The following CACNA2D3 variants were observed in gnomAD, a reference collection of about 807,000 sequenced individuals.
CACNA2D3 encodes the protein calcium voltage-gated channel auxiliary subunit alpha2delta 3, also known as voltage-dependent calcium channel subunit alpha-2/delta-3.
CACNA2D3 carries 60 observed loss-of-function variants against 160.6 expected under a neutral mutation model. The observed-to-expected ratio is 0.37, with a 90% CI of 0.30 to 0.46. CACNA2D3 has a LOEUF of 0.46. Ranked by LOEUF, CACNA2D3 falls within the 20% of genes least tolerant of loss-of-function variation. CACNA2D3 has a pLI of 1.00. For synonymous variants in CACNA2D3, 558 were observed against 492.9 expected (o/e 1.13, Z -1.75); for missense variants, 1,205 against 1,365.0 (o/e 0.88, Z 1.85).
chr3:54,215,555 G>A (rs1023605877), intron 2 of CACNA2D3, among the ~76,000 whole-genome samples: 1 of 152,126 alleles, frequency 6.6e-6, no homozygotes, highest in African/African-American at 2.4e-5. Context: ...GATCTAGCTT[G>A]TCTTTGTTCT....
intron 9 of CACNA2D3, among the ~76,000 whole-genome samples, chr3:54,585,302 A>G (rs1702741110): frequency 6.6e-6 from 1 of 152,230 alleles, no homozygotes; most frequent in African/African-American, 2.4e-5. Flanking sequence ...GTAAATACTG[A>G]TATGAGTAGA....
chr3:54,707,208 A>G (rs1353497314), intron 11 of CACNA2D3, among the ~76,000 whole-genome samples: 1 of 152,220 alleles, frequency 6.6e-6, no homozygotes, highest in East Asian at 1.9e-4. Context: ...CCCAAAACAT[A>G]TGTAATGAAT....
intron 2 of CACNA2D3, among the ~76,000 whole-genome samples, chr3:54,224,528 G>C (rs1351056905): frequency 6.6e-6 from 1 of 152,112 alleles, no homozygotes; most frequent in Non-Finnish European, 1.5e-5. Flanking sequence ...CTAAGTGATA[G>C]GAATATTCCA....
chr3:54,535,952 G>T (rs1448490847), intron 5 of CACNA2D3, among the ~76,000 whole-genome samples: 1 of 152,214 alleles, frequency 6.6e-6, no homozygotes, highest in Non-Finnish European at 1.5e-5. Flanking sequence ...CAAAATAAAA[G>T]AGGCTAAAAG....
intron 13 of CACNA2D3, among the ~76,000 whole-genome samples, chr3:54,792,999 G>C (rs1191029860): frequency 6.6e-6 from 1 of 152,190 alleles, no homozygotes; most frequent in Non-Finnish European, 1.5e-5. Flanking sequence ...CAGCCTATGA[G>C]CCTAAGCAAA....
chr3:54,159,733 A>T (rs1700307914), intron 2 of CACNA2D3, among the ~76,000 whole-genome samples: 1 of 152,218 alleles, frequency 6.6e-6, no homozygotes, highest in Non-Finnish European at 1.5e-5. Flanking sequence ...TAATTTGACC[A>T]ATAGAATTTC....
intron 3 of CACNA2D3, among the ~76,000 whole-genome samples, chr3:54,350,992 T>TGTTTTG (rs1274277229): frequency 9.0e-6 from 1 of 110,978 alleles, no homozygotes; most frequent in African/African-American, 3.2e-5. Flanking sequence ...GTTTGTTTTT[T>TGTTTTG]TTTTTTTTTT....
rs563285589 is a variant in CACNA2D3, at chr3:54,904,601, T to C, written c.2449+4733T>C. 2.0e-5 allele frequency among the ~76,000 whole-genome samples: 3 copies of C among 152,324 alleles called. No homozygotes were observed. The East Asian group carries it at 5.8e-4, about 29-fold the overall frequency. Reference sequence around the variant, plus strand: ...AATCTAAAATTGCTCCTAAAAATGTTTCATTTTGATTTCTTAGATAGTTTT... The same window carrying C: ...AATCTAAAATTGCTCCTAAAAATGTCTCATTTTGATTTCTTAGATAGTTTT... On this transcript the variant is annotated intron_variant, in intron 27 of 37. Coordinates refer to ENST00000474759, the MANE Select transcript of CACNA2D3 (RefSeq NM_018398.3).
intron 2 of CACNA2D3, among the ~76,000 whole-genome samples, chr3:54,268,932 T>C (rs1388848274): frequency 6.6e-6 from 1 of 152,150 alleles, no homozygotes; most frequent in East Asian, 1.9e-4. Context: ...CTTCTGGAAG[T>C]ATGTGGCTTC....
chr3:55,066,458 C>G (rs1704637474), intron 35 of CACNA2D3, among the ~76,000 whole-genome samples: 1 of 152,196 alleles, frequency 6.6e-6, no homozygotes, highest in Non-Finnish European at 1.5e-5. Context: ...TCCACATGTG[C>G]AATCCTGTGG....
intron 27 of CACNA2D3, among the ~76,000 whole-genome samples, chr3:54,904,118 G>A (rs1321777064): frequency 6.6e-6 from 1 of 152,154 alleles, no homozygotes; most frequent in Non-Finnish European, 1.5e-5. Flanking sequence ...TATGACAGAG[G>A]GCAGAAGGTA....
chr3:54,184,626 C>T (rs1319616750), intron 2 of CACNA2D3, among the ~76,000 whole-genome samples: 1 of 152,198 alleles, frequency 6.6e-6, no homozygotes, highest in Non-Finnish European at 1.5e-5. Flanking sequence ...ATGGGCCATC[C>T]CATGGGGAAG....
intron 11 of CACNA2D3, among the ~76,000 whole-genome samples, chr3:54,733,585 C>G (rs1477279704): frequency 6.6e-6 from 1 of 152,158 alleles, no homozygotes; most frequent in Non-Finnish European, 1.5e-5. Flanking sequence ...GCCTCCCGGG[C>G]CCTTTCACAT....
At chr3:54,414,529 T>G (rs994702521) in intron 4 of CACNA2D3, among the ~76,000 whole-genome samples, 8 of 152,168 alleles carry the variant, frequency 5.3e-5, no homozygotes, top group Admixed American at 5.2e-4. Flanking sequence ...CTGTGCAAAG[T>G]TACCACGTTA....
At position 54,896,687 on chromosome 3, in the gene CACNA2D3, C is replaced by T. The variant is rs937779271; in HGVS notation, c.2247-62C>T. ...TTACCTGATGAAGGCTGTCGGGGTG[C>T]TCCAGGCCCACCTTTACTCTGCTGA... On this transcript the variant is annotated intron_variant, in intron 25 of 37. Transcript: ENST00000474759. The T allele has an allele frequency of 4.4e-6, 7 of 1,607,382 alleles. No homozygotes were observed. The African/African-American group carries it at 5.3e-5, about 12-fold the overall frequency.
intron 21 of CACNA2D3, among the ~76,000 whole-genome samples, chr3:54,884,161 G>A (rs1414545539): frequency 6.6e-6 from 1 of 152,126 alleles, no homozygotes; most frequent in Admixed American, 6.6e-5. Context: ...AAGAAAGGCT[G>A]CACAGATAGA....
At position 54,388,876 on chromosome 3, in the gene CACNA2D3, TC is replaced by T. The variant is rs146225067; in HGVS notation, c.381+2104del. On this transcript the variant is annotated intron_variant, in intron 4 of 37. Transcript: ENST00000474759. ...AAACTGTGTCACTTTTCTCAGAAGT[TC>T]CTGAAGGCTTTTCAGGAATATTCTG... Among the ~76,000 whole-genome samples the T allele has an allele frequency of 9.2e-3, 1,408 of 152,292 alleles. 24 individuals are homozygous for T. Among genetic ancestry groups the T allele is most frequent in the African/African-American group, 0.032 (1,336 of 41,554 alleles).
chr3:54,411,070 G>A (rs1575440669), intron 4 of CACNA2D3, among the ~76,000 whole-genome samples: 2 of 152,128 alleles, frequency 1.3e-5, no homozygotes, highest in Admixed American at 6.6e-5. Flanking sequence ...AATTAGAAAC[G>A]GAACCTGAAA....
intron 35 of CACNA2D3, 59 bp downstream of exon 35, chr3:55,018,376 C>A: frequency 2.0e-6 from 2 of 1,020,144 alleles, no homozygotes; most frequent in African/African-American, 1.6e-5. Flanking sequence ...CAGAACTTTC[C>A]CAGATGGGTC....
Sources: gnomAD v4.1 joint callset for allele counts (sites outside exome capture counted in the v4.1 genomes callset) on GRCh38, gnomAD v4.1.1 for gene constraint, MANE v1.5 for transcripts, NCBI Gene and HGNC (gene_info 2026-07-23, HGNC 2026-07-21) for gene names.